TCEANC2: variants seen among roughly 807,000 people sequenced by gnomAD.
The protein encoded by TCEANC2 is transcription elongation factor A N-terminal and central domain-containing protein 2.
A neutral mutation model predicts 22.8 loss-of-function variants in TCEANC2; 20 were observed. The observed-to-expected ratio is 0.88, with a 90% CI of 0.62 to 1.28. The LOEUF is 1.28. TCEANC2 is among the 50% of genes most tolerant of loss of function. The pLI is 0.00. For missense variants in TCEANC2, 251 were observed against 249.7 expected, an observed-to-expected ratio of 1.01 and a Z score of -0.03; for synonymous variants, 84 against 95.5, an observed-to-expected ratio of 0.88 and a Z score of 0.70.
intron 4 of TCEANC2, among the ~76,000 whole-genome samples, chr1:54,091,980 C>T (rs1164127319): frequency 6.6e-6 from 1 of 152,200 alleles, no homozygotes; most frequent in African/African-American, 2.4e-5. Context: ...TAATGAGATC[C>T]AGGTCAGGGG....
At chr1:54,107,963 T>C (rs940953605), downstream of TCEANC2, among the ~76,000 whole-genome samples, 5 of 152,252 alleles carry the variant, frequency 3.3e-5, no homozygotes, top group Admixed American at 2.6e-4. Context: ...TGTTTGTAAG[T>C]GTCCACATAT....
downstream of TCEANC2, among the ~76,000 whole-genome samples, chr1:54,109,465 T>TCC (rs1658808929): frequency 6.6e-6 from 1 of 152,136 alleles, no homozygotes; most frequent in African/African-American, 2.4e-5. Flanking sequence ...TTTAAAGGTT[T>TCC]TCAGGTGAGG....
chr1:54,066,062 G>A lies in TCEANC2; in HGVS notation c.103-2694G>A, dbSNP rs111826407. 3.3e-3 allele frequency among the ~76,000 whole-genome samples: 495 copies of A among 152,066 alleles called. 2 individuals carry two copies. Among genetic ancestry groups the A allele is most frequent in the African/African-American group, 0.011 (460 of 41,466 alleles). ...TGTGCCATTGCACTCCAGCCTGGGC[G>A]ACAGAACAAGACTTCTTCTCAGAAA... On this transcript the variant is annotated intron_variant, in intron 2 of 4. Coordinates refer to ENST00000234827, the MANE Select transcript of TCEANC2 (RefSeq NM_153035.3).
At chr1:54,054,628 C>T in intron 2 of TCEANC2, 104 bp downstream of exon 2, 2 of 1,165,746 alleles carry the variant, frequency 1.7e-6, no homozygotes, top group South Asian at 3.3e-5. Context: ...CTTGTTATGC[C>T]TCCTCCTCAA....
At chr1:54,077,794 C>T (rs925529242) in intron 3 of TCEANC2, among the ~76,000 whole-genome samples, 13 of 152,112 alleles carry the variant, frequency 8.5e-5, no homozygotes, top group Non-Finnish European at 4.4e-5. Context: ...TATGGCTCTT[C>T]TCGCCTTCTG....
chr1:54,064,964 T>C (rs1158461109), intron 2 of TCEANC2, among the ~76,000 whole-genome samples: 1 of 152,202 alleles, frequency 6.6e-6, no homozygotes. Flanking sequence ...CCTCCCATAG[T>C]GCCGGGATTA....
intron 3 of TCEANC2, among the ~76,000 whole-genome samples, chr1:54,081,403 A>G (rs1557691340): frequency 6.6e-6 from 1 of 151,800 alleles, no homozygotes; most frequent in Non-Finnish European, 1.5e-5. Flanking sequence ...CAATTCTTTT[A>G]TTTATTTATT....
At chr1:54,088,504 C>G in intron 3 of TCEANC2, 93 bp from the exon 4 acceptor site, 1 of 1,024,246 alleles carries the variant, frequency 9.8e-7, no homozygotes, top group Non-Finnish European at 1.4e-6. Flanking sequence ...GTGTGAATGA[C>G]TTTCTCAGTG....
rs1490835987 is a variant in TCEANC2 at position 54,103,050 on chromosome 1, G to A, written c.*6577G>A. ...AGACCTGTGGTGGAGGCATGTAGTTGGACCTATAGGAGTGGGCACCAAGTG... is the reference window on the plus strand; with the variant it reads ...AGACCTGTGGTGGAGGCATGTAGTTAGACCTATAGGAGTGGGCACCAAGTG... On this transcript the variant is annotated 3_prime_UTR_variant, in exon 5 of 5. Transcript: ENST00000234827. The A allele has an allele frequency of 6.6e-6, 1 of 152,292 alleles. No homozygotes were observed. The highest frequency in any genetic ancestry group is 1.5e-5 in the Non-Finnish European group (1 of 68,080). The allele number at this position is 152,292 out of a possible 1,614,324, so 9.4% of individuals were successfully genotyped here.
rs1658385221 is a variant in TCEANC2 at position 54,088,719 on chromosome 1, A to C, written c.367A>C (p.Arg123=). 6.2e-7 allele frequency: 1 copy of C among 1,608,822 alleles called. No homozygotes were observed. The change falls in exon 4 of 5, where the codon AGA becomes CGA. Residue 123 remains arginine (R), a synonymous_variant. Transcript: ENST00000234827. The stretch of plus-strand genomic sequence containing the variant: ...TTCAAATAGACCTTCTATTGAAGTT[A>C]GAAGTGATCCCAAAACCGAGTCGTT... ...KHSNRPSIEV[R]SDPKTESLRK...
chr1:54,084,640 C>T (rs935638719), intron 3 of TCEANC2, among the ~76,000 whole-genome samples: 2 of 151,944 alleles, frequency 1.3e-5, no homozygotes, highest in African/African-American at 2.4e-5. Context: ...AGCGGGTGGA[C>T]CACCTGAGGT....
chr1:54,105,721 G>C lies in TCEANC2; in HGVS notation c.*9248G>C, dbSNP rs1277672943. 3.9e-5 allele frequency: 6 copies of C among 151,998 alleles called. No homozygotes were observed. Among genetic ancestry groups the C allele is most frequent in the Admixed American group, 3.9e-4 (6 of 15,228 alleles). 9.4% of individuals were successfully genotyped at this position (151,998 alleles called of 1,614,324 possible). On this transcript the variant is annotated 3_prime_UTR_variant, in exon 5 of 5. Coordinates refer to ENST00000234827, the MANE Select transcript of TCEANC2 (RefSeq NM_153035.3). ...GGCTCACTGCAACCTCTGCCTCCCG[G>C]GTTCAAGCGATTCTCCTGCCTCAGC... is the stretch of plus-strand genomic sequence containing the variant.
chr1:54,054,969 G>C (rs985900511), intron 2 of TCEANC2, among the ~76,000 whole-genome samples: 10 of 152,040 alleles, frequency 6.6e-5, no homozygotes, highest in African/African-American at 2.4e-4. Flanking sequence ...CTGTTTTTTT[G>C]TTGTCGTTGT....
At chr1:54,089,812 C>T in intron 4 of TCEANC2, 1 of 393,344 alleles carries the variant, frequency 2.5e-6, no homozygotes, top group Non-Finnish European at 4.6e-6. Context: ...GAATTTGCAC[C>T]AAAGCAGCAG....
rs1165873687 is a variant in TCEANC2 at position 54,098,465 on chromosome 1, T to C, written c.*1992T>C. ...TTATCAAAAAGGCTTTTGCTGACTA[T>C]CCTAAATACAATAGCACTCCCTCCC... On this transcript the variant is annotated 3_prime_UTR_variant, in exon 5 of 5. Coordinates refer to ENST00000234827, the MANE Select transcript of TCEANC2 (RefSeq NM_153035.3). The C allele has an allele frequency of 4.6e-5, 7 of 152,288 alleles. No individual in the cohort carries two copies. The East Asian group carries it at 1.3e-3, about 29-fold the overall frequency. 9.4% of individuals were successfully genotyped at this position (152,288 alleles called of 1,614,324 possible). A position where few individuals can be genotyped will look rare whatever the true frequency, so the allele number is the denominator to read the frequency against.
intron 3 of TCEANC2, among the ~76,000 whole-genome samples, chr1:54,076,650 G>A (rs1262091911): frequency 5.9e-5 from 9 of 152,130 alleles, no homozygotes; most frequent in East Asian, 1.9e-4. Context: ...CATGATGAGC[G>A]TTTCTGGTGA....
chr1:54,076,187 T>C (rs915817842), intron 3 of TCEANC2, among the ~76,000 whole-genome samples: 1 of 152,220 alleles, frequency 6.6e-6, no homozygotes, highest in Non-Finnish European at 1.5e-5. Context: ...GTACATATTA[T>C]TTCGTTACCC....
rs1238720288 is a variant in TCEANC2 at position 54,100,834 on chromosome 1, G to A, written c.*4361G>A. On this transcript the variant is annotated 3_prime_UTR_variant, in exon 5 of 5. Transcript: ENST00000234827. ...GAGGAGGTGAGGGACCTAATCAGAT[G>A]TGTGTTTTAAAAAGATTTAAAAAAC... is the stretch of plus-strand genomic sequence containing the variant. 1 of 152,148 alleles carries A rather than the reference G, an allele frequency of 6.6e-6. No individual in the cohort carries two copies. Among genetic ancestry groups the A allele is most frequent in the African/African-American group, 2.4e-5 (1 of 41,432 alleles). 9.4% of individuals were successfully genotyped at this position (152,148 alleles called of 1,614,324 possible).
chr1:54,101,525 G>T lies in TCEANC2; in HGVS notation c.*5052G>T, dbSNP rs1256032440. On this transcript the variant is annotated 3_prime_UTR_variant, in exon 5 of 5. Coordinates refer to ENST00000234827, the MANE Select transcript of TCEANC2 (RefSeq NM_153035.3). The stretch of plus-strand genomic sequence containing the variant: ...CATTCTTTCAATACATATTTGTTGA[G>T]TTCTTACGTGTCAGGTATTAGGGTC... 6.6e-6 allele frequency: 1 copy of T among 152,142 alleles called. No homozygotes were observed. Among genetic ancestry groups the T allele is most frequent in the African/African-American group, 2.4e-5 (1 of 41,426 alleles). 9.4% of individuals were successfully genotyped at this position (152,142 alleles called of 1,614,324 possible).
Sources: gnomAD v4.1 joint callset for allele counts (sites outside exome capture counted in the v4.1 genomes callset) on GRCh38, gnomAD v4.1.1 for gene constraint, MANE v1.5 for transcripts, NCBI Gene and HGNC (gene_info 2026-07-23, HGNC 2026-07-21) for gene names.